Variants in CADPS2 observed in about 807,000 individuals in gnomAD.
CADPS2 encodes calcium dependent secretion activator 2.
A neutral mutation model predicts 172.5 loss-of-function variants in CADPS2; 93 were observed. The observed-to-expected ratio is 0.54, with a 90% confidence interval of 0.46 to 0.64. The LOEUF (loss-of-function observed/expected upper bound fraction) is 0.64, where lower values mean the gene tolerates loss of function less well. CADPS2 is among the 30% of genes least tolerant of loss of function. CADPS2 has a pLI of 0.00. For synonymous variants in CADPS2, 546 were observed against 555.2 expected, an observed-to-expected ratio of 0.98 and a Z score of 0.23; for missense variants, 1,420 against 1,565.9, an observed-to-expected ratio of 0.91 and a Z score of 1.57.
At chr7:122,469,856 T>C (rs1366729821) in intron 14 of CADPS2, among the ~76,000 whole-genome samples, 1 of 151,030 alleles carries the variant, frequency 6.6e-6, no homozygotes, top group African/African-American at 2.4e-5. Context: ...TACACACATC[T>C]AGCACATAAG....
intron 17 of CADPS2, among the ~76,000 whole-genome samples, chr7:122,418,860 T>C (rs2048240337): frequency 6.6e-6 from 1 of 152,208 alleles, no homozygotes; most frequent in Non-Finnish European, 1.5e-5. Flanking sequence ...TGATTTAAAA[T>C]AAGTTAAATA....
At chr7:122,624,132 T>C (rs1198935876) in intron 4 of CADPS2, among the ~76,000 whole-genome samples, 2 of 152,214 alleles carry the variant, frequency 1.3e-5, no homozygotes, top group African/African-American at 4.8e-5. Flanking sequence ...TCATTAACTC[T>C]ATTCAGCCTG....
intron 1 of CADPS2, among the ~76,000 whole-genome samples, chr7:122,791,160 T>C (rs1795211278): frequency 6.6e-6 from 1 of 152,156 alleles, no homozygotes; most frequent in South Asian, 2.1e-4. Context: ...AAACTATTTG[T>C]AATGCATGAG....
intron 6 of CADPS2, among the ~76,000 whole-genome samples, chr7:122,602,347 C>T (rs1261472910): frequency 6.6e-6 from 1 of 151,984 alleles, no homozygotes; most frequent in Non-Finnish European, 1.5e-5. Flanking sequence ...GCATACACAA[C>T]TCCATAACTA....
chr7:122,668,780 A>T (rs146944432), intron 2 of CADPS2, among the ~76,000 whole-genome samples: 2 of 152,168 alleles, frequency 1.3e-5, no homozygotes, highest in Non-Finnish European at 2.9e-5. Flanking sequence ...TTTGACAGAC[A>T]AGATTTACTG....
intron 1 of CADPS2, among the ~76,000 whole-genome samples, chr7:122,880,009 A>T (rs1425687136): frequency 6.6e-6 from 1 of 152,204 alleles, no homozygotes; most frequent in East Asian, 1.9e-4. Context: ...TAAGTCATTT[A>T]ATTACTTTAA....
At chr7:122,609,597 C>A (rs1053567098) in intron 6 of CADPS2, among the ~76,000 whole-genome samples, 1 of 152,156 alleles carries the variant, frequency 6.6e-6, no homozygotes, top group Non-Finnish European at 1.5e-5. Flanking sequence ...CACCGTTACT[C>A]TTTGTAAATC....
chr7:122,521,786 T>TA (rs2060821081), intron 8 of CADPS2, among the ~76,000 whole-genome samples: 1 of 152,236 alleles, frequency 6.6e-6, no homozygotes, highest in Non-Finnish European at 1.5e-5. Flanking sequence ...GCATAAAACA[T>TA]AGAGTTCTTC....
chr7:122,340,900 CA>C (rs1409213299), intron 28 of CADPS2, among the ~76,000 whole-genome samples: 2 of 149,608 alleles, frequency 1.3e-5, no homozygotes, highest in African/African-American at 4.9e-5. Context: ...GAGAGAACCT[CA>C]AAGCAGAAAA....
chr7:122,673,390 A>G (rs540496431), intron 2 of CADPS2, among the ~76,000 whole-genome samples: 2 of 152,326 alleles, frequency 1.3e-5, no homozygotes, highest in East Asian at 3.9e-4. Context: ...CCTGAGCTAG[A>G]CACAGAGTGC....
chr7:122,653,553 C>T (rs1046612523), intron 3 of CADPS2, among the ~76,000 whole-genome samples: 1 of 152,084 alleles, frequency 6.6e-6, no homozygotes, highest in Non-Finnish European at 1.5e-5. Context: ...AATATACAGG[C>T]GTACATCATT....
At chr7:122,470,914 G>T (rs1477163571) in intron 14 of CADPS2, among the ~76,000 whole-genome samples, 5 of 152,136 alleles carry the variant, frequency 3.3e-5, no homozygotes, top group Non-Finnish European at 5.9e-5. Context: ...TTAGGGAAGT[G>T]GCTAAGAAGA....
At chr7:122,667,448 C>T (rs1406139593) in intron 2 of CADPS2, among the ~76,000 whole-genome samples, 2 of 152,100 alleles carry the variant, frequency 1.3e-5, no homozygotes, top group East Asian at 1.9e-4. Context: ...ATTTCCCCTA[C>T]AAAACCATAC....
At chr7:122,604,933 G>A (rs1334086630) in intron 6 of CADPS2, among the ~76,000 whole-genome samples, 1 of 152,066 alleles carries the variant, frequency 6.6e-6, no homozygotes, top group East Asian at 1.9e-4. Flanking sequence ...GAAAATCACA[G>A]AGTGTACTTA....
At chr7:122,581,331 T>A in intron 6 of CADPS2, 41 bp from the exon 7 acceptor site, 1 of 1,516,632 alleles carries the variant, frequency 6.6e-7, no homozygotes, top group Non-Finnish European at 9.2e-7. Flanking sequence ...AATGCAGCAT[T>A]ATTTTTTTCC....
At chr7:122,673,314 T>C (rs2082058236) in intron 2 of CADPS2, among the ~76,000 whole-genome samples, 1 of 152,206 alleles carries the variant, frequency 6.6e-6, no homozygotes, top group Admixed American at 6.5e-5. Flanking sequence ...ATCCTGCAGA[T>C]TGGTCCATTT....
At chr7:122,431,918 C>T (rs1411825152) in intron 17 of CADPS2, among the ~76,000 whole-genome samples, 1 of 4,060 alleles carries the variant, frequency 2.5e-4, no homozygotes, top group Non-Finnish European at 4.3e-4. Context: ...AAGACTTCAT[C>T]GGGGGCGGGG....
chr7:122,592,088 T>C (rs1488022695), intron 6 of CADPS2, among the ~76,000 whole-genome samples: 1 of 152,096 alleles, frequency 6.6e-6, no homozygotes, highest in Admixed American at 6.6e-5. Flanking sequence ...AATCTACTCA[T>C]CTGATAAAGG....
rs747647291 is a variant in CADPS2 at position 122,790,028 on chromosome 7, G to GTT, written c.340-52962_340-52961dup. Among the ~76,000 whole-genome samples the GTT allele has an allele frequency of 3.1e-3, 398 of 126,656 alleles. 3 individuals are homozygous for GTT. Among genetic ancestry groups the GTT allele is most frequent in the African/African-American group, 0.011 (371 of 35,002 alleles). 83.1% of individuals were successfully genotyped at this position (126,656 alleles called of 152,430 possible). A position where few individuals can be genotyped will look rare whatever the true frequency, so the allele number is the denominator to read the frequency against. ...AAGAATAGGCAAACAAATATTAAGT[G>GTT]TTTTTTTTTTTTTTTTTTGAAAAGA... On this transcript the variant is annotated intron_variant, in intron 1 of 29. Transcript: ENST00000449022.
Sources: gnomAD v4.1 joint callset for allele counts (sites outside exome capture counted in the v4.1 genomes callset) on GRCh38, gnomAD v4.1.1 for gene constraint, MANE v1.5 for transcripts, NCBI Gene and HGNC (gene_info 2026-07-23, HGNC 2026-07-21) for gene names.